Variants in HAO1 observed in about 807,000 individuals in gnomAD.
The protein encoded by HAO1 is hydroxyacid oxidase 1.
HAO1 carries 34 observed loss-of-function variants against 39.7 expected under a neutral mutation model. The observed-to-expected ratio is 0.86, with a 90% CI of 0.65 to 1.14. The LOEUF is 1.14. HAO1 is among the 50% of genes most tolerant of loss of function. The probability of loss-of-function intolerance (pLI) is 0.00; values close to 1 mark genes in which losing one functional copy is unlikely to be tolerated. For synonymous variants in HAO1, 172 were observed against 173.2 expected (o/e 0.99, Z 0.05); for missense variants, 479 against 464.5 (o/e 1.03, Z -0.29).
At chr20:7,927,990 AT>A (rs1273824622) in intron 2 of HAO1, among the ~76,000 whole-genome samples, 1 of 152,230 alleles carries the variant, frequency 6.6e-6, no homozygotes, top group Non-Finnish European at 1.5e-5. Context: ...AGATAGATGA[AT>A]AAATAATAAA....
chr20:7,935,593 A>C (rs1163599068), intron 1 of HAO1, among the ~76,000 whole-genome samples: 1 of 152,236 alleles, frequency 6.6e-6, no homozygotes, highest in African/African-American at 2.4e-5. Context: ...CACTTTTCTC[A>C]AAAATGTTAT....
chr20:7,901,949 G>C (rs983269643), intron 4 of HAO1, among the ~76,000 whole-genome samples: 1 of 152,176 alleles, frequency 6.6e-6, no homozygotes. Flanking sequence ...TGCTGTGGCA[G>C]AAACAGTAAG....
At chr20:7,935,959 TTTTAGTAAATATAG>T (rs150231972) in intron 1 of HAO1, among the ~76,000 whole-genome samples, 4,131 of 152,224 alleles carry the variant, frequency 0.027, 69 homozygotes, top group Middle Eastern at 0.041. Context: ...CAGCATGACT[TTTTAGTAAATATAG>T]TGAAGTATGA....
chr20:7,896,410 T>C (rs1325979148), intron 4 of HAO1, among the ~76,000 whole-genome samples: 1 of 152,144 alleles, frequency 6.6e-6, no homozygotes, highest in East Asian at 1.9e-4. Flanking sequence ...GCAATGGAGA[T>C]AATGGGCAGA....
At position 7,885,823 on chromosome 20, in the gene HAO1, C is replaced by T; in HGVS notation, c.855G>A (p.Lys285=). Residue 285 remains lysine (K), a synonymous_variant, in exon 6 of 8, where the codon AAG becomes AAA. Transcript: ENST00000378789. The stretch of plus-strand genomic sequence containing the variant: ...CACCCCCGTCCAGGAAGACTTCCAC[C>T]TTCCCTTCCACAGCCTCCACAATTT... ...LPEIVEAVEG[K]VEVFLDGGVR... is the part of the protein sequence containing the mutation. The T allele has an allele frequency of 6.2e-7, 1 of 1,613,686 alleles. No individual in the cohort carries two copies. The highest frequency in any genetic ancestry group is 2.2e-5 in the East Asian group (1 of 44,854).
intron 4 of HAO1, among the ~76,000 whole-genome samples, chr20:7,897,597 T>A (rs1054136763): frequency 3.3e-5 from 5 of 152,190 alleles, no homozygotes; most frequent in East Asian, 1.9e-4. Flanking sequence ...TCCCCTTTTT[T>A]AAAAAAATCA....
chr20:7,883,282 A>T lies in HAO1; in HGVS notation c.*311T>A, dbSNP rs1268536133. 10 of 344,774 alleles carry T rather than the reference A, an allele frequency of 2.9e-5. No homozygotes were observed. The highest frequency in any genetic ancestry group is 4.3e-5 in the Non-Finnish European group (8 of 184,656). 21.4% of individuals were successfully genotyped at this position (344,774 alleles called of 1,614,324 possible). On this transcript the variant is annotated 3_prime_UTR_variant, in exon 8 of 8. Transcript: ENST00000378789. ...TTCACCTTAGTGTTTGCTACCTCCA[A>T]TTTTACTAAAGGATACAGCACTTTA...
chr20:7,914,980 C>T (rs1322261850), intron 2 of HAO1, among the ~76,000 whole-genome samples: 1 of 151,946 alleles, frequency 6.6e-6, no homozygotes, highest in South Asian at 2.1e-4. Context: ...ATTAACCGGG[C>T]GTGGTCATGG....
intron 3 of HAO1, 60 bp downstream of exon 3, chr20:7,914,104 C>A: frequency 1.3e-6 from 2 of 1,592,342 alleles, no homozygotes; most frequent in South Asian, 1.1e-5. Flanking sequence ...AACCCAGACC[C>A]TAACATTCCC....
intron 2 of HAO1, among the ~76,000 whole-genome samples, chr20:7,928,710 A>G (rs570148375): frequency 1.3e-5 from 2 of 152,214 alleles, no homozygotes; most frequent in South Asian, 4.2e-4. Context: ...AGAAAGTGAA[A>G]ATGACCTGCC....
intron 4 of HAO1, among the ~76,000 whole-genome samples, chr20:7,905,797 T>C (rs979114060): frequency 6.6e-6 from 1 of 152,132 alleles, no homozygotes; most frequent in African/African-American, 2.4e-5. Flanking sequence ...CCTTGGGGCT[T>C]CTCTTTGGTC....
chr20:7,897,404 G>A lies in HAO1; in HGVS notation c.722-2180C>T, dbSNP rs2294303. 2.6e-5 allele frequency among the ~76,000 whole-genome samples: 4 copies of A among 152,096 alleles called. No individual in the cohort carries two copies. In the East Asian group the frequency reaches 7.7e-4, roughly 29 times the overall value. The stretch of plus-strand genomic sequence containing the variant: ...TTCTACCTGAAACTCCTATCAGTTG[G>A]ATATTGGACATTTTAAAGTTGTCTT... On this transcript the variant is annotated intron_variant, in intron 4 of 7. Transcript: ENST00000378789.
chr20:7,939,998 G>A (rs1480753291), intron 1 of HAO1, among the ~76,000 whole-genome samples: 3 of 152,132 alleles, frequency 2.0e-5, no homozygotes, highest in East Asian at 1.9e-4. Context: ...AAAGTCATCC[G>A]AATTTATCGC....
At chr20:7,909,532 G>A (rs2050267396) in intron 3 of HAO1, among the ~76,000 whole-genome samples, 2 of 150,722 alleles carry the variant, frequency 1.3e-5, no homozygotes, top group South Asian at 2.1e-4. Flanking sequence ...ACGCAAAGGT[G>A]AGAAACAAGA....
chr20:7,890,876 T>C (rs1296431206), intron 5 of HAO1, among the ~76,000 whole-genome samples: 1 of 152,226 alleles, frequency 6.6e-6, no homozygotes, highest in Non-Finnish European at 1.5e-5. Context: ...ATGCTGTTAA[T>C]TCATTCCTTT....
chr20:7,939,056 G>A lies in HAO1; in HGVS notation c.137+1230C>T, dbSNP rs2050427446. Among the ~76,000 whole-genome samples, 3 of 152,110 alleles carry A rather than the reference G, an allele frequency of 2.0e-5. No individual in the cohort carries two copies. In the South Asian group the frequency reaches 6.2e-4, roughly 32 times the overall value. On this transcript the variant is annotated intron_variant, in intron 1 of 7. Transcript: ENST00000378789. ...GACCACTCATAGGCAAATTTTGGTG[G>A]ACAAAGTTAATATCGGCCCAAGAAG...
intron 2 of HAO1, among the ~76,000 whole-genome samples, chr20:7,931,810 T>A (rs1200962799): frequency 1.3e-5 from 2 of 152,186 alleles, no homozygotes; most frequent in African/African-American, 4.8e-5. Context: ...AAGACTGGTC[T>A]TGGAACCATC....
chr20:7,927,070 G>GA (rs898604843), intron 2 of HAO1, among the ~76,000 whole-genome samples: 12 of 151,504 alleles, frequency 7.9e-5, no homozygotes, highest in African/African-American at 1.9e-4. Flanking sequence ...TTTAAAGGGA[G>GA]AAAAAAAATC....
At chr20:7,914,587 C>T (rs957937759) in intron 2 of HAO1, among the ~76,000 whole-genome samples, 168 bp from the exon 3 acceptor site, 1 of 152,216 alleles carries the variant, frequency 6.6e-6, no homozygotes, top group Non-Finnish European at 1.5e-5. Flanking sequence ...TTTCCTGATT[C>T]TACCTCCTCT....
Sources: allele counts gnomAD v4.1 joint callset (sites outside exome capture counted in the v4.1 genomes callset), GRCh38; gene constraint gnomAD v4.1.1; transcripts MANE v1.5; gene names NCBI Gene and HGNC (gene_info 2026-07-23, HGNC 2026-07-21).